The following NR3C2 variants were observed in gnomAD, a reference collection of about 807,000 sequenced individuals.
NR3C2 encodes the protein mineralocorticoid receptor.
NR3C2 carries 15 observed loss-of-function variants against 86.4 expected under a neutral mutation model. The observed-to-expected ratio is 0.17, with a 90% CI of 0.12 to 0.27. The LOEUF is 0.27. Ranked by LOEUF, NR3C2 falls within the 10% of genes least tolerant of loss-of-function variation. The probability of loss-of-function intolerance (pLI) is 1.00; values close to 1 mark genes in which losing one functional copy is unlikely to be tolerated. For synonymous variants in NR3C2, 458 were observed against 450.5 expected (o/e 1.02, Z -0.21); for missense variants, 960 against 1,195.6 (o/e 0.80, Z 2.91).
chr4:148,300,169 T>C (rs1428102920), intron 2 of NR3C2, among the ~76,000 whole-genome samples: 4 of 152,230 alleles, frequency 2.6e-5, no homozygotes, highest in Admixed American at 2.6e-4. Flanking sequence ...AAGTATGACC[T>C]GTAACCACAT....
At position 148,337,983 on chromosome 4, in the gene NR3C2, A is replaced by G. The variant is rs143049184; in HGVS notation, c.1758-77866T>C. 9.1e-4 allele frequency among the ~76,000 whole-genome samples: 139 copies of G among 152,310 alleles called. No individual in the cohort carries two copies. The East Asian group carries it at 0.026, about 29-fold the overall frequency. Reference sequence around the variant, plus strand: ...GAATTTCTCACTAGTTTTGTGATCCAGTGTAAGGTTTCCTAAACTTTACAT... The same window carrying G: ...GAATTTCTCACTAGTTTTGTGATCCGGTGTAAGGTTTCCTAAACTTTACAT... On this transcript the variant is annotated intron_variant, in intron 2 of 8. Coordinates refer to ENST00000358102, the MANE Select transcript of NR3C2 (RefSeq NM_000901.5).
intron 2 of NR3C2, among the ~76,000 whole-genome samples, chr4:148,352,412 CT>C (rs1745335803): frequency 6.6e-6 from 1 of 151,742 alleles, no homozygotes; most frequent in Non-Finnish European, 1.5e-5. Flanking sequence ...ATCTATCTAT[CT>C]ATCTATCTAT....
rs537538727 is a variant in NR3C2, at chr4:148,421,263, T to C, written c.1757+13841A>G. ...GCACTTTCACACTGTTGTACAACCATCACCACCATCCATCTTCAGAACTCT... is the reference window on the plus strand; with the variant it reads ...GCACTTTCACACTGTTGTACAACCACCACCACCATCCATCTTCAGAACTCT... On this transcript the variant is annotated intron_variant, in intron 2 of 8. Transcript: ENST00000358102. 5.9e-5 allele frequency among the ~76,000 whole-genome samples: 9 copies of C among 152,354 alleles called. No homozygotes were observed. The South Asian group carries it at 1.7e-3, about 28-fold the overall frequency.
At chr4:148,323,681 G>A (rs903264772) in intron 2 of NR3C2, among the ~76,000 whole-genome samples, 11 of 152,108 alleles carry the variant, frequency 7.2e-5, no homozygotes, top group African/African-American at 2.7e-4. Flanking sequence ...ACTCGGAAAG[G>A]GAACTCCCTG....
intron 3 of NR3C2, among the ~76,000 whole-genome samples, chr4:148,226,841 T>C (rs548145835): frequency 1.3e-5 from 2 of 152,300 alleles, no homozygotes; most frequent in African/African-American, 4.8e-5. Flanking sequence ...CTACAAATGA[T>C]GTTGAGCATT....
At chr4:148,438,276 A>G (rs947719254) in intron 1 of NR3C2, among the ~76,000 whole-genome samples, 3 of 152,182 alleles carry the variant, frequency 2.0e-5, no homozygotes, top group African/African-American at 7.2e-5. Context: ...CCCAGTTGTG[A>G]CAACTGAAAA....
chr4:148,377,119 G>A (rs1472239027), intron 2 of NR3C2, among the ~76,000 whole-genome samples: 3 of 152,100 alleles, frequency 2.0e-5, no homozygotes, highest in Non-Finnish European at 4.4e-5. Flanking sequence ...GGTAGGGAAG[G>A]AAGACAAAAG....
At chr4:148,278,575 G>A (rs769888092) in intron 2 of NR3C2, among the ~76,000 whole-genome samples, 9 of 151,924 alleles carry the variant, frequency 5.9e-5, no homozygotes, top group African/African-American at 1.5e-4. Flanking sequence ...GTGCGTGCGC[G>A]CGCACACACA....
chr4:148,156,535 C>T (rs987551641), intron 4 of NR3C2, among the ~76,000 whole-genome samples: 4 of 152,226 alleles, frequency 2.6e-5, no homozygotes, highest in African/African-American at 9.6e-5. Context: ...ATTTATGCAG[C>T]CAAAAGACAC....
intron 2 of NR3C2, among the ~76,000 whole-genome samples, chr4:148,423,766 G>A (rs1444486664): frequency 1.3e-5 from 2 of 152,144 alleles, no homozygotes; most frequent in African/African-American, 2.4e-5. Context: ...GCAGTGGCAC[G>A]ATCTCAGCTC....
At chr4:148,442,488 G>T (rs72646915), upstream of NR3C2, 3 of 239,202 alleles carry the variant, frequency 1.3e-5, no homozygotes, top group African/African-American at 2.3e-5. Flanking sequence ...AAGCCCGGAG[G>T]GGGAGTGGGC....
At chr4:148,440,064 T>A (rs767986739) in intron 1 of NR3C2, among the ~76,000 whole-genome samples, 4 of 152,240 alleles carry the variant, frequency 2.6e-5, no homozygotes, top group Non-Finnish European at 4.4e-5. Flanking sequence ...CTAAATTACT[T>A]TGTTTAAGGT....
rs6856000 is a variant in NR3C2, at chr4:148,234,776, G to A, written c.1897+25202C>T. ...TTACTAGGGAGAATGAATGGATTGC[G>A]GAACAGAGATTAACTTGGGTTTTCT... On this transcript the variant is annotated intron_variant, in intron 3 of 8. Coordinates refer to ENST00000358102, the MANE Select transcript of NR3C2 (RefSeq NM_000901.5). Among the ~76,000 whole-genome samples the A allele has an allele frequency of 6.5e-3, 983 of 151,648 alleles. 7 individuals carry two copies. Among genetic ancestry groups the A allele is most frequent in the African/African-American group, 0.021 (873 of 41,384 alleles).
At chr4:148,437,843 T>A (rs1750152338) in intron 1 of NR3C2, among the ~76,000 whole-genome samples, 1 of 152,128 alleles carries the variant, frequency 6.6e-6, no homozygotes, top group African/African-American at 2.4e-5. Context: ...ACAATCCCCA[T>A]CCTCAAGCAA....
At chr4:148,406,697 C>T (rs961330919) in intron 2 of NR3C2, among the ~76,000 whole-genome samples, 1 of 152,122 alleles carries the variant, frequency 6.6e-6, no homozygotes, top group Non-Finnish European at 1.5e-5. Context: ...AACTAAGAAT[C>T]TGACTGATAG....
At chr4:148,305,311 AAC>A (rs1742558662) in intron 2 of NR3C2, among the ~76,000 whole-genome samples, 1 of 152,156 alleles carries the variant, frequency 6.6e-6, no homozygotes, top group South Asian at 2.1e-4. Flanking sequence ...CTCAGAATAA[AAC>A]ACAGTCTTCT....
intron 8 of NR3C2, among the ~76,000 whole-genome samples, chr4:148,092,120 G>C (rs1325456888): frequency 6.6e-6 from 1 of 152,214 alleles, no homozygotes; most frequent in Non-Finnish European, 1.5e-5. Flanking sequence ...TTTGGAAAAT[G>C]TCATGCTCGT....
In NR3C2 at chr4:148,442,227, T is replaced by A. The variant is rs1750380615; in HGVS notation, c.-70A>T. ...GCGCTTGCCACCGCCACGAAACCCC[T>A]GCTGCGGAGCCCCCCTAAATCCAAC... is the stretch of plus-strand genomic sequence containing the variant. On this transcript the variant is annotated 5_prime_UTR_variant, in exon 1 of 9. Transcript: ENST00000358102. 1 of 153,088 alleles carries A rather than the reference T, an allele frequency of 6.5e-6. No homozygotes were observed. The highest frequency in any genetic ancestry group is 2.4e-5 in the African/African-American group (1 of 41,482). 9.5% of individuals were successfully genotyped at this position (153,088 alleles called of 1,614,324 possible). A position where few individuals can be genotyped will look rare whatever the true frequency, so the allele number is the denominator to read the frequency against.
chr4:148,152,170 T>C (rs993200068), intron 6 of NR3C2, among the ~76,000 whole-genome samples: 8 of 152,204 alleles, frequency 5.3e-5, no homozygotes, highest in African/African-American at 1.9e-4. Context: ...TTTCTATTAA[T>C]TGTGGCTTTG....
Sources: gnomAD v4.1 joint callset for allele counts (sites outside exome capture counted in the v4.1 genomes callset) on GRCh38, gnomAD v4.1.1 for gene constraint, MANE v1.5 for transcripts, NCBI Gene and HGNC (gene_info 2026-07-23, HGNC 2026-07-21) for gene names.